The following ZYX variants were observed in gnomAD, a reference collection of about 807,000 sequenced individuals.
ZYX encodes the protein zyxin, also known as zyxin-2.
A neutral mutation model predicts 58.1 loss-of-function variants in ZYX; 37 were observed. The observed-to-expected ratio is 0.64, with a 90% CI of 0.49 to 0.84. ZYX has a LOEUF of 0.84. Ranked by LOEUF, ZYX falls within the 40% of genes least tolerant of loss-of-function variation. The pLI is 0.00. For missense variants in ZYX, 762 were observed against 761.6 expected (o/e 1.00, Z -0.01); for synonymous variants, 324 against 321.1 (o/e 1.01, Z -0.10).
Position 143,390,687 on chromosome 7 carries a change from G to A in ZYX, c.*5G>A. ...ACTGCTAGAGCCCAGACCTGAGTGA[G>A]GACAGGCCCTCTTCAGACCGCAGTC... On this transcript the variant is annotated 3_prime_UTR_variant, in exon 10 of 10. Coordinates refer to ENST00000322764, the MANE Select transcript of ZYX (RefSeq NM_003461.5). The surrounding 1 kb of genome is among the most constrained non-coding windows in gnomAD (Gnocchi z 4.3). 6 of 1,569,260 alleles carry A rather than the reference G, an allele frequency of 3.8e-6. No homozygotes were observed. The South Asian group carries it at 7.0e-5, about 18-fold the overall frequency.
intron 5 of ZYX, among the ~76,000 whole-genome samples, chr7:143,383,705 T>G (rs1313579345): frequency 3.9e-5 from 6 of 152,330 alleles, no homozygotes; most frequent in Middle Eastern, 3.4e-3. Flanking sequence ...CCTGCTCCTC[T>G]GAGCACTCTT....
In ZYX at chr7:143,389,127, G is replaced by C. The variant is rs1009545563; in HGVS notation, c.1493+182G>C. On this transcript the variant is annotated intron_variant, in intron 8 of 9. Coordinates refer to ENST00000322764, the MANE Select transcript of ZYX (RefSeq NM_003461.5). This position sits in a 1 kb window ranked among gnomAD's most constrained non-coding sequence, Gnocchi z 5.6. ...AGCTGTCCAGGGGCCTTAGGCCTGG[G>C]CATCGAGTCCTGCTGCTGTCTGGTC... Among the ~76,000 whole-genome samples, 1 of 152,222 alleles carries C rather than the reference G, an allele frequency of 6.6e-6. No individual in the cohort carries two copies. Among genetic ancestry groups the C allele is most frequent in the Non-Finnish European group, 1.5e-5 (1 of 68,042 alleles).
Position 143,388,594 on chromosome 7 carries a change from A to G in ZYX, c.1250A>G (p.Gln417Arg). 7 of 1,612,952 alleles carry G rather than the reference A, an allele frequency of 4.3e-6. No individual in the cohort carries two copies. Among genetic ancestry groups the G allele is most frequent in the Non-Finnish European group, 5.9e-6 (7 of 1,179,964 alleles). The change falls in exon 7 of 10, where the codon CAG becomes CGG. Residue 417 changes from glutamine to arginine, a missense_variant. Coordinates refer to ENST00000322764, the MANE Select transcript of ZYX (RefSeq NM_003461.5). This position sits in a 1 kb window ranked among gnomAD's most constrained non-coding sequence, Gnocchi z 7.5. ...TGCTTCACCTGCCACCAGTGTGCGCAGCAGCTCCAGGGCCAGCAGTTCTAC... is the reference window on the plus strand; with the variant it reads ...TGCTTCACCTGCCACCAGTGTGCGCGGCAGCTCCAGGGCCAGCAGTTCTAC... ...IACFTCHQCA[Q>R]QLQGQQFYSL...
chr7:143,382,655 C>T lies in ZYX; in HGVS notation c.471C>T (p.Asp157=), dbSNP rs1016023861. The change falls in exon 4 of 10, where the codon GAC becomes GAT. Residue 157 remains aspartate, a synonymous_variant. Transcript: ENST00000322764. ...ACTCTCTGTCCTCACTGCTGGATGA[C>T]ATGACCAAGAATGATCCTTTCAAAG... The part of the protein sequence containing the change: ...EIDSLSSLLD[D]MTKNDPFKAR... 6 of 1,613,976 alleles carry T rather than the reference C, an allele frequency of 3.7e-6. No homozygotes were observed. The African/African-American group carries it at 5.3e-5, about 14-fold the overall frequency.
chr7:143,383,680 T>C (rs1804752015), intron 5 of ZYX, among the ~76,000 whole-genome samples: 1 of 152,082 alleles, frequency 6.6e-6, no homozygotes, highest in South Asian at 2.1e-4. Flanking sequence ...CATTCTTGGG[T>C]CTTGAGTTAA....
In ZYX at chr7:143,390,629, CT is replaced by C. The variant is rs1236053160; in HGVS notation, c.1667del (p.Leu556ArgfsTer19). On this transcript the variant is annotated frameshift_variant, in exon 10 of 10. Transcript: ENST00000322764. LOFTEE classifies it high-confidence loss of function. The surrounding 1 kb of genome is among the most constrained non-coding windows in gnomAD (Gnocchi z 4.3). ...IEADDNGCFP[L>X]DGHVLCRKCH... ...GGCAGATGACAATGGCTGCTTCCCC[CT>C]GGACGGTCACGTGCTCTGTCGGAAG... The C allele has an allele frequency of 1.9e-6, 3 of 1,587,420 alleles. No individual in the cohort carries two copies. The highest frequency in any genetic ancestry group is 1.3e-5 in the African/African-American group (1 of 74,764).
Position 143,389,962 on chromosome 7 carries a change from G to T in ZYX, c.1599G>T (p.Lys533Asn). The T allele has an allele frequency of 6.2e-7, 1 of 1,614,114 alleles. No individual in the cohort carries two copies. The highest frequency in any genetic ancestry group is 8.5e-7 in the Non-Finnish European group (1 of 1,179,964). ...VVALDKNFHMKCYKCEDCGKP... is the reference protein window; with the variant it reads ...VVALDKNFHMNCYKCEDCGKP... Reference sequence around the variant, plus strand: ...CCCTGGACAAGAACTTCCACATGAAGTGTTACAAGTGTGAGGTCAGCCATC... The same window carrying T: ...CCCTGGACAAGAACTTCCACATGAATTGTTACAAGTGTGAGGTCAGCCATC... The change falls in exon 9 of 10, where the codon AAG becomes AAT. Residue 533 changes from lysine to asparagine, a missense_variant. By Grantham distance (94) the Lys-to-Asn change is moderately conservative. Coordinates refer to ENST00000322764, the MANE Select transcript of ZYX (RefSeq NM_003461.5). This position sits in a 1 kb window ranked among gnomAD's most constrained non-coding sequence, Gnocchi z 5.6.
Position 143,383,009 on chromosome 7 carries a change from A to T in ZYX, c.710A>T (p.His237Leu), listed in dbSNP as rs758810416. Residue 237 changes from histidine (H) to leucine (L), a missense_variant, in exon 5 of 10, where the codon CAT (histidine) becomes CTT (leucine). Transcript: ENST00000322764. ...QPQPKPQVQL[H>L]VQSQTQPVSL... is the part of the protein sequence containing the mutation. ...CAGCCCAAGCCTCAGGTCCAACTCC[A>T]TGTCCAGTCCCAGACCCAGCCTGTG... 14 of 1,613,696 alleles carry T rather than the reference A, an allele frequency of 8.7e-6. No individual in the cohort carries two copies. Among genetic ancestry groups the T allele is most frequent in the Admixed American group, 3.3e-5 (2 of 59,974 alleles).
rs1014869166 is a variant in ZYX at position 143,381,559 on chromosome 7, G to T, written c.-13G>T. ...CGTAACCCGGCGACCCACCCCAGCA[G>T]CCCGGCCCGGCCATGGCGGCCCCCC... On this transcript the variant is annotated splice_region_variant and 5_prime_UTR_variant, in exon 2 of 10. Transcript: ENST00000322764. 6.2e-7 allele frequency: 1 copy of T among 1,607,128 alleles called. No homozygotes were observed. The highest frequency in any genetic ancestry group is 1.1e-5 in the South Asian group (1 of 90,548).
rs755405788 is a variant in ZYX at position 143,381,599 on chromosome 7, A to G, written c.28A>G (p.Ile10Val). The G allele has an allele frequency of 6.2e-7, 1 of 1,611,148 alleles. No individual in the cohort carries two copies. Among genetic ancestry groups the G allele is most frequent in the Non-Finnish European group, 8.5e-7 (1 of 1,179,118 alleles). The change falls in exon 2 of 10, where the codon ATC becomes GTC. Residue 10 changes from isoleucine to valine, a missense_variant. Transcript: ENST00000322764. MAAPRPSPA[I>V]SVSVSAPAFY... ...GGCGGCCCCCCGCCCGTCTCCCGCG[A>G]TCTCCGTTTCGGTCTCGGCTCCGGC...
rs376719485 is a variant in ZYX, at chr7:143,388,362, C to T, written c.1144+23C>T. ...ACGGTGAGCCCACCCCACCGGGACA[C>T]CCCCACCCTGCCCCCACATCACGGT... On this transcript the variant is annotated intron_variant, in intron 6 of 9. Transcript: ENST00000322764. This position sits in a 1 kb window ranked among gnomAD's most constrained non-coding sequence, Gnocchi z 7.5. 37 of 1,612,996 alleles carry T rather than the reference C, an allele frequency of 2.3e-5. No individual in the cohort carries two copies. In the African/African-American group the frequency reaches 2.9e-4, roughly 13 times the overall value.
intron 5 of ZYX, among the ~76,000 whole-genome samples, chr7:143,385,966 T>G (rs1423965296): frequency 6.6e-6 from 1 of 151,066 alleles, no homozygotes; most frequent in Non-Finnish European, 1.5e-5. Context: ...TATCTGAATG[T>G]GAGTGGTGTG....
intron 2 of ZYX, 23 bp downstream of exon 2, chr7:143,381,802 T>G: frequency 1.3e-6 from 2 of 1,521,668 alleles, no homozygotes; most frequent in Non-Finnish European, 1.8e-6. Context: ...GCTTGGGGAA[T>G]GTACCCCGGC....
rs2116543750 is a variant in ZYX, at chr7:143,381,362, G to A, written c.-63G>A. 4 of 1,157,570 alleles carry A rather than the reference G, an allele frequency of 3.5e-6. No individual in the cohort carries two copies. Among genetic ancestry groups the A allele is most frequent in the South Asian group, 4.0e-5 (1 of 25,302 alleles). 71.7% of individuals were successfully genotyped at this position (1,157,570 alleles called of 1,614,324 possible). The stretch of plus-strand genomic sequence containing the variant: ...ACCGGGACGCAGAGTCTGCGGACCC[G>A]GCGCCGAGGCGGCCACCCGAGACGC... On this transcript the variant is annotated 5_prime_UTR_variant, in exon 1 of 10. Transcript: ENST00000322764.
At chr7:143,385,834 G>T (rs1323798069) in intron 5 of ZYX, among the ~76,000 whole-genome samples, 1 of 151,684 alleles carries the variant, frequency 6.6e-6, no homozygotes, top group African/African-American at 2.4e-5. Flanking sequence ...TAGTAGAGAT[G>T]GGGTTTCACC....
intron 4 of ZYX, 37 bp downstream of exon 4, chr7:143,382,722 G>T: frequency 6.2e-7 from 1 of 1,614,024 alleles, no homozygotes; most frequent in Non-Finnish European, 8.5e-7. Context: ...AGGGCTCAGG[G>T]CCAGAGAGAC....
In ZYX at chr7:143,382,246, A is replaced by C. The variant is rs1804640567; in HGVS notation, c.209-2A>C. ...CCGACGTCTTTCTCCTTCCTACCCC[A>C]GACTTTCCCCTGCCTCCACCTCCCC... is the stretch of plus-strand genomic sequence containing the variant. On this transcript the variant is annotated splice_acceptor_variant, in intron 2 of 9. Coordinates refer to ENST00000322764, the MANE Select transcript of ZYX (RefSeq NM_003461.5). LOFTEE classifies it high-confidence loss of function. The C allele has an allele frequency of 1.2e-6, 2 of 1,612,034 alleles. No homozygotes were observed. The highest frequency in any genetic ancestry group is 4.5e-5 in the East Asian group (2 of 44,840).
chr7:143,381,604 C>G lies in ZYX; in HGVS notation c.33C>G (p.Ser11=), dbSNP rs779343705. The G allele has an allele frequency of 3.7e-6, 6 of 1,611,768 alleles. No individual in the cohort carries two copies. Among genetic ancestry groups the G allele is most frequent in the Non-Finnish European group, 5.1e-6 (6 of 1,179,342 alleles). The change falls in exon 2 of 10, where the codon TCC becomes TCG. Residue 11 remains serine (S), a synonymous_variant. Coordinates refer to ENST00000322764, the MANE Select transcript of ZYX (RefSeq NM_003461.5). The part of the protein sequence containing the change: MAAPRPSPAI[S]VSVSAPAFYA... ...CCCCCCGCCCGTCTCCCGCGATCTC[C>G]GTTTCGGTCTCGGCTCCGGCTTTTT...
chr7:143,389,059 C>A lies in ZYX; in HGVS notation c.1493+114C>A. ...AACCCCTGGTGGTGTTTTCTGGTCC[C>A]ATGTCCTGTCTGTAAACAGCAGGGA... On this transcript the variant is annotated intron_variant, in intron 8 of 9. Coordinates refer to ENST00000322764, the MANE Select transcript of ZYX (RefSeq NM_003461.5). This position sits in a 1 kb window ranked among gnomAD's most constrained non-coding sequence, Gnocchi z 5.6. 8.0e-7 allele frequency: 1 copy of A among 1,254,716 alleles called. No individual in the cohort carries two copies. The allele number at this position is 1,254,716 out of a possible 1,614,324, so 77.7% of individuals were successfully genotyped here.
Sources: allele counts gnomAD v4.1 joint callset (sites outside exome capture counted in the v4.1 genomes callset), GRCh38; gene constraint gnomAD v4.1.1; non-coding constraint Gnocchi (gnomAD v3.1); transcripts MANE v1.5; gene names NCBI Gene and HGNC (gene_info 2026-07-23, HGNC 2026-07-21).